The following CAMKMT variants were observed in gnomAD, a reference collection of about 807,000 sequenced individuals.
CAMKMT encodes the protein calmodulin-lysine N-methyltransferase, also known as CaM KMT.
In CAMKMT, 53 loss-of-function variants were observed where a neutral mutation model predicts 48.0. That is an observed-to-expected ratio of 1.10 (90% CI 0.89 to 1.39). The LOEUF is 1.39. Ranked by LOEUF, CAMKMT falls within the 40% of genes most tolerant of loss-of-function variation. The pLI is 0.00. For missense variants in CAMKMT, 428 were observed against 402.7 expected, an observed-to-expected ratio of 1.06 and a Z score of -0.54; for synonymous variants, 165 against 152.3, an observed-to-expected ratio of 1.08 and a Z score of -0.61.
chr2:44,588,299 AG>A (rs1218459062), intron 3 of CAMKMT, among the ~76,000 whole-genome samples: 1 of 55,244 alleles, frequency 1.8e-5, no homozygotes, highest in African/African-American at 9.0e-5. Context: ...CCCGTCCGGG[AG>A]GGAGGGGGGG....
chr2:44,601,068 C>G (rs1670957125), intron 3 of CAMKMT, among the ~76,000 whole-genome samples: 1 of 152,018 alleles, frequency 6.6e-6, no homozygotes, highest in Non-Finnish European at 1.5e-5. Flanking sequence ...TATTTTGATA[C>G]TTTTTAGTTG....
At chr2:44,749,127 A>G (rs928059273) in intron 8 of CAMKMT, among the ~76,000 whole-genome samples, 2 of 152,180 alleles carry the variant, frequency 1.3e-5, no homozygotes, top group Admixed American at 6.5e-5. Flanking sequence ...TTTCTAGCTC[A>G]TCTGAGGATT....
At chr2:44,492,594 T>A (rs1344707891) in intron 3 of CAMKMT, among the ~76,000 whole-genome samples, 1 of 152,196 alleles carries the variant, frequency 6.6e-6, no homozygotes, top group Non-Finnish European at 1.5e-5. Context: ...TGTGATGACA[T>A]CTTTGACGAA....
intron 2 of CAMKMT, among the ~76,000 whole-genome samples, chr2:44,380,667 T>C (rs1029777862): frequency 6.6e-6 from 1 of 152,234 alleles, no homozygotes; most frequent in Non-Finnish European, 1.5e-5. Context: ...TAGAACTAAC[T>C]TCTTATAGTT....
At chr2:44,544,121 A>G (rs891378768) in intron 3 of CAMKMT, among the ~76,000 whole-genome samples, 1 of 152,012 alleles carries the variant, frequency 6.6e-6, no homozygotes, top group Non-Finnish European at 1.5e-5. Flanking sequence ...CCAAAAGAGG[A>G]GTATGAGAAA....
At chr2:44,556,022 C>A (rs1265976388) in intron 3 of CAMKMT, among the ~76,000 whole-genome samples, 1 of 152,116 alleles carries the variant, frequency 6.6e-6, no homozygotes, top group Non-Finnish European at 1.5e-5. Flanking sequence ...AAAATCAAGA[C>A]ATGGGGCAGC....
intron 3 of CAMKMT, among the ~76,000 whole-genome samples, chr2:44,467,486 C>T (rs1340157984): frequency 6.6e-6 from 1 of 151,384 alleles, no homozygotes; most frequent in African/African-American, 2.4e-5. Flanking sequence ...GAGCTGTGAG[C>T]TGTGATTGCA....
intron 3 of CAMKMT, among the ~76,000 whole-genome samples, chr2:44,570,069 C>G (rs2103731743): frequency 6.6e-6 from 1 of 152,184 alleles, no homozygotes; most frequent in East Asian, 1.9e-4. Context: ...ATCCCCATAT[C>G]AGGTATTTCA....
chr2:44,653,707 T>C lies in CAMKMT; in HGVS notation c.377-50576T>C, dbSNP rs552685253. On this transcript the variant is annotated intron_variant, in intron 3 of 10. Coordinates refer to ENST00000378494, the MANE Select transcript of CAMKMT (RefSeq NM_024766.5). The surrounding 1 kb of genome is among the most constrained non-coding windows in gnomAD (Gnocchi z 5.2). Reference sequence around the variant, plus strand: ...GATTAATGAAAAATTTTATCCCCCTTTTAAGTAAATTAATCTTTTGGGATT... The same window carrying C: ...GATTAATGAAAAATTTTATCCCCCTCTTAAGTAAATTAATCTTTTGGGATT... 1.3e-5 allele frequency among the ~76,000 whole-genome samples: 2 copies of C among 152,322 alleles called. No individual in the cohort carries two copies. Among genetic ancestry groups the C allele is most frequent in the South Asian group, 4.1e-4 (2 of 4,826 alleles).
intron 3 of CAMKMT, among the ~76,000 whole-genome samples, chr2:44,437,067 C>G (rs1293607139): frequency 6.6e-6 from 1 of 152,008 alleles, no homozygotes; most frequent in Admixed American, 6.6e-5. Flanking sequence ...ATCTTACCTC[C>G]TTGATATTTG....
Position 44,670,234 on chromosome 2 carries a change from G to A in CAMKMT, c.377-34049G>A, listed in dbSNP as rs1213682682. On this transcript the variant is annotated intron_variant, in intron 3 of 10. Coordinates refer to ENST00000378494, the MANE Select transcript of CAMKMT (RefSeq NM_024766.5). ...GAACTATAAGAAATTGCTTATATGT[G>A]ATGATTTTCACTTACACAAACTATT... Among the ~76,000 whole-genome samples, 8 of 152,250 alleles carry A rather than the reference G, an allele frequency of 5.3e-5. No homozygotes were observed. In the East Asian group the frequency reaches 1.5e-3, roughly 29 times the overall value.
At chr2:44,577,919 C>T (rs1054143548) in intron 3 of CAMKMT, among the ~76,000 whole-genome samples, 3 of 152,196 alleles carry the variant, frequency 2.0e-5, no homozygotes, top group Non-Finnish European at 4.4e-5. Context: ...GTAGACAGAT[C>T]GCCTTTGTCC....
intron 3 of CAMKMT, among the ~76,000 whole-genome samples, chr2:44,631,289 C>G (rs1028763469): frequency 1.3e-5 from 2 of 152,002 alleles, no homozygotes; most frequent in African/African-American, 2.4e-5. Context: ...AGAGATATAC[C>G]TAATGCTAGA....
intron 3 of CAMKMT, among the ~76,000 whole-genome samples, chr2:44,605,436 T>C (rs1261682552): frequency 6.6e-6 from 1 of 152,114 alleles, no homozygotes; most frequent in East Asian, 1.9e-4. Flanking sequence ...TCAAAATTGG[T>C]GATTTTGGCA....
At chr2:44,712,760 T>C (rs968595407) in intron 6 of CAMKMT, among the ~76,000 whole-genome samples, 1 of 152,172 alleles carries the variant, frequency 6.6e-6, no homozygotes, top group African/African-American at 2.4e-5. Context: ...CCCGTTGTGT[T>C]GAACACTATC....
chr2:44,537,924 A>G (rs974182854), intron 3 of CAMKMT, among the ~76,000 whole-genome samples: 1 of 152,192 alleles, frequency 6.6e-6, no homozygotes, highest in African/African-American at 2.4e-5. Flanking sequence ...AAGTAGATCT[A>G]CCATTCAATC....
chr2:44,551,553 C>G (rs186644182), intron 3 of CAMKMT, among the ~76,000 whole-genome samples: 1 of 152,252 alleles, frequency 6.6e-6, no homozygotes, highest in Non-Finnish European at 1.5e-5. Context: ...AGGGAGAGTT[C>G]CCAACAAAAA....
chr2:44,415,002 A>C (rs1321851343), intron 3 of CAMKMT, among the ~76,000 whole-genome samples: 1 of 152,170 alleles, frequency 6.6e-6, no homozygotes, highest in Non-Finnish European at 1.5e-5. Flanking sequence ...AAAAATACAA[A>C]CATTATCTGG....
At chr2:44,710,531 G>A (rs1460504902) in intron 6 of CAMKMT, among the ~76,000 whole-genome samples, 1 of 152,062 alleles carries the variant, frequency 6.6e-6, no homozygotes, top group South Asian at 2.1e-4. Flanking sequence ...TGTACCCCAA[G>A]AGAACAAAGG....
Sources: allele counts gnomAD v4.1 joint callset (sites outside exome capture counted in the v4.1 genomes callset), GRCh38; gene constraint gnomAD v4.1.1; non-coding constraint Gnocchi (gnomAD v3.1); transcripts MANE v1.5; gene names NCBI Gene and HGNC (gene_info 2026-07-23, HGNC 2026-07-21).